Variants in BRIP1 observed in about 807,000 individuals in gnomAD.
BRIP1 encodes Fanconi anemia group J protein.
In BRIP1, 88 loss-of-function variants were observed where a neutral mutation model predicts 119.7. The ratio of observed to expected loss-of-function variants is 0.74; its 90% CI spans 0.62 to 0.88. The LOEUF is 0.88. BRIP1 is among the 40% of genes least tolerant of loss of function. The pLI is 0.00. For missense variants in BRIP1, 1,259 were observed against 1,455.4 expected (o/e 0.87, Z 2.20); for synonymous variants, 443 against 496.5 (o/e 0.89, Z 1.43).
At position 61,803,326 on chromosome 17, in the gene BRIP1, C is replaced by T. The variant is rs780758068; in HGVS notation, c.919-1852G>A. Reference sequence around the variant, plus strand: ...CTTGAACTCCTGAACTCAAGCGATCCGCCTGCCTCGGCCTCCCAAAGTGCT... The same window carrying T: ...CTTGAACTCCTGAACTCAAGCGATCTGCCTGCCTCGGCCTCCCAAAGTGCT... On this transcript the variant is annotated intron_variant, in intron 7 of 19. Coordinates refer to ENST00000259008, the MANE Select transcript of BRIP1 (RefSeq NM_032043.3). This position sits in a 1 kb window ranked among gnomAD's most constrained non-coding sequence, Gnocchi z 4.3. 2.0e-5 allele frequency among the ~76,000 whole-genome samples: 3 copies of T among 152,260 alleles called. No homozygotes were observed. Among genetic ancestry groups the T allele is most frequent in the East Asian group, 1.9e-4 (1 of 5,168 alleles).
At position 61,808,483 on chromosome 17, in the gene BRIP1, A is replaced by C. The variant is rs750376292; in HGVS notation, c.902T>G (p.Leu301Trp). 1.2e-6 allele frequency: 2 copies of C among 1,613,548 alleles called. No individual in the cohort carries two copies. Among genetic ancestry groups the C allele is most frequent in the South Asian group, 2.2e-5 (2 of 91,068 alleles). ...TTTACTCACGTTTTTCCCATCTAGC[A>C]ATTCCATGCACTTCTCATTTCTGTT... The part of the protein sequence containing the change: ...NFNRNEKCME[L>W]LDGKNGKSCY... The change falls in exon 7 of 20, where the codon TTG (leucine) becomes TGG (tryptophan). Residue 301 changes from leucine (L) to tryptophan (W), a missense_variant. Transcript: ENST00000259008. This position sits in a 1 kb window ranked among gnomAD's most constrained non-coding sequence, Gnocchi z 4.1.
rs2078217822 is a variant in BRIP1, at chr17:61,815,127, A to C, written c.628-6370T>G. Among the ~76,000 whole-genome samples the C allele has an allele frequency of 6.6e-6, 1 of 151,746 alleles. No individual in the cohort carries two copies. The highest frequency in any genetic ancestry group is 6.6e-5 in the Admixed American group (1 of 15,226). ...CTAGAAGTGCTGGAAAAAAAAAAAA[A>C]AACCCACAGTAAATATACTCTGTTC... On this transcript the variant is annotated intron_variant, in intron 6 of 19. Coordinates refer to ENST00000259008, the MANE Select transcript of BRIP1 (RefSeq NM_032043.3). The surrounding 1 kb of genome is among the most constrained non-coding windows in gnomAD (Gnocchi z 4.1).
Position 61,745,683 on chromosome 17 carries a change from C to A in BRIP1, c.2098-1092G>T, listed in dbSNP as rs2077049122. On this transcript the variant is annotated intron_variant, in intron 14 of 19. Coordinates refer to ENST00000259008, the MANE Select transcript of BRIP1 (RefSeq NM_032043.3). The surrounding 1 kb of genome is among the most constrained non-coding windows in gnomAD (Gnocchi z 4.4). ...CACACGTGGCTGTAAAACTCATATT[C>A]TTAAAAACCATATGAGTTAAATAGA... is the stretch of plus-strand genomic sequence containing the variant. Among the ~76,000 whole-genome samples, 1 of 152,074 alleles carries A rather than the reference C, an allele frequency of 6.6e-6. No individual in the cohort carries two copies. The highest frequency in any genetic ancestry group is 2.4e-5 in the African/African-American group (1 of 41,406).
At chr17:61,838,004 AGTT>A (rs1216221369) in intron 6 of BRIP1, among the ~76,000 whole-genome samples, 1 of 152,316 alleles carries the variant, frequency 6.6e-6, no homozygotes, top group East Asian at 1.9e-4. Flanking sequence ...GAACCTAAAA[AGTT>A]TAATGTCAAA....
intron 6 of BRIP1, among the ~76,000 whole-genome samples, chr17:61,836,918 CA>C (rs1364346498): frequency 6.6e-6 from 1 of 152,172 alleles, no homozygotes; most frequent in Non-Finnish European, 1.5e-5. Context: ...TTTAGAGGAT[CA>C]ATTCCAGAGC....
At chr17:61,859,939 A>G in intron 2 of BRIP1, 32 bp from the exon 3 acceptor site, 1 of 1,434,768 alleles carries the variant, frequency 7.0e-7, no homozygotes. Flanking sequence ...AAAATAATAA[A>G]CATATTAACT....
rs995673593 is a variant in BRIP1, at chr17:61,843,217, G to A, written c.627+3884C>T. Among the ~76,000 whole-genome samples, 1 of 152,100 alleles carries A rather than the reference G, an allele frequency of 6.6e-6. No individual in the cohort carries two copies. The highest frequency in any genetic ancestry group is 2.4e-5 in the African/African-American group (1 of 41,418). ...ATGGTTACTGGGGCAGGGAGGTGGGGGATTTGAGGAGATGTTGATCAAAGA... is the reference window on the plus strand; with the variant it reads ...ATGGTTACTGGGGCAGGGAGGTGGGAGATTTGAGGAGATGTTGATCAAAGA... On this transcript the variant is annotated intron_variant, in intron 6 of 19. Coordinates refer to ENST00000259008, the MANE Select transcript of BRIP1 (RefSeq NM_032043.3). The surrounding 1 kb of genome is among the most constrained non-coding windows in gnomAD (Gnocchi z 5.7).
rs1028595201 is a variant in BRIP1, at chr17:61,775,527, G to C, written c.2097+874C>G. On this transcript the variant is annotated intron_variant, in intron 14 of 19. Transcript: ENST00000259008. This position sits in a 1 kb window ranked among gnomAD's most constrained non-coding sequence, Gnocchi z 4.4. ...CTACATTGGATTTAGGTTAGATTTTGATGCAATGTGATGTTACTTTCAGGA... is the reference window on the plus strand; with the variant it reads ...CTACATTGGATTTAGGTTAGATTTTCATGCAATGTGATGTTACTTTCAGGA... 1.3e-5 allele frequency among the ~76,000 whole-genome samples: 2 copies of C among 152,120 alleles called. No individual in the cohort carries two copies. The highest frequency in any genetic ancestry group is 6.5e-5 in the Admixed American group (1 of 15,280).
At position 61,847,230 on chromosome 17, in the gene BRIP1, C is replaced by G. The variant is rs2078749443; in HGVS notation, c.508-10G>C. 1 of 1,613,652 alleles carries G rather than the reference C, an allele frequency of 6.2e-7. No individual in the cohort carries two copies. The highest frequency in any genetic ancestry group is 1.3e-5 in the African/African-American group (1 of 75,038). Reference sequence around the variant, plus strand: ...AATGACGTTTTCTAATCTGTAAACACAGAACCAAAATGAAGTTTAAGGTGA... The same window carrying G: ...AATGACGTTTTCTAATCTGTAAACAGAGAACCAAAATGAAGTTTAAGGTGA... On this transcript the variant is annotated splice_polypyrimidine_tract_variant and intron_variant, in intron 5 of 19. Coordinates refer to ENST00000259008, the MANE Select transcript of BRIP1 (RefSeq NM_032043.3).
rs1041164432 is a variant in BRIP1 at position 61,701,703 on chromosome 17, T to C, written c.2493-8191A>G. 4.6e-5 allele frequency among the ~76,000 whole-genome samples: 7 copies of C among 152,358 alleles called. No individual in the cohort carries two copies. The highest frequency in any genetic ancestry group is 1.4e-4 in the African/African-American group (6 of 41,592). ...CATTGCATTCCTCAGCTTTTCTCTT[T>C]ACATTTTTTGGCTAGCCTCTCACTT... On this transcript the variant is annotated intron_variant, in intron 17 of 19. Transcript: ENST00000259008. This position sits in a 1 kb window ranked among gnomAD's most constrained non-coding sequence, Gnocchi z 5.1.
rs2145071400 is a variant in BRIP1, at chr17:61,780,190, C to T, written c.1935+71G>A. 21 of 1,493,842 alleles carry T rather than the reference C, an allele frequency of 1.4e-5. No individual in the cohort carries two copies. The highest frequency in any genetic ancestry group is 1.9e-5 in the Non-Finnish European group (21 of 1,082,692). The allele number at this position is 1,493,842 out of a possible 1,614,324, so 92.5% of individuals were successfully genotyped here. On this transcript the variant is annotated intron_variant, in intron 13 of 19. Coordinates refer to ENST00000259008, the MANE Select transcript of BRIP1 (RefSeq NM_032043.3). This position sits in a 1 kb window ranked among gnomAD's most constrained non-coding sequence, Gnocchi z 5.4. ...TACTTGCTGGCACTTCAGGTATCTTCTAACTTGTTTACATAGTTATATTGA... is the reference window on the plus strand; with the variant it reads ...TACTTGCTGGCACTTCAGGTATCTTTTAACTTGTTTACATAGTTATATTGA...
rs2061736214 is a variant in BRIP1 at position 61,709,137 on chromosome 17, C to T, written c.2492+6814G>A. Among the ~76,000 whole-genome samples, 2 of 152,148 alleles carry T rather than the reference C, an allele frequency of 1.3e-5. No homozygotes were observed. Among genetic ancestry groups the T allele is most frequent in the Non-Finnish European group, 2.9e-5 (2 of 68,026 alleles). ...ACTTTCATTGACATTTTAGATTGCT[C>T]CAAATCCTAGGCTTTTTCATGCATA... On this transcript the variant is annotated intron_variant, in intron 17 of 19. Coordinates refer to ENST00000259008, the MANE Select transcript of BRIP1 (RefSeq NM_032043.3). The surrounding 1 kb of genome is among the most constrained non-coding windows in gnomAD (Gnocchi z 5.0).
chr17:61,684,041 C>CAGCTGTCA lies in BRIP1; in HGVS notation c.3004_3005insTGACAGCT (p.Trp1002LeufsTer60), dbSNP rs763443434. On this transcript the variant is annotated frameshift_variant, in exon 20 of 20. Transcript: ENST00000259008. LOFTEE classifies it low-confidence loss of function (END_TRUNC). The surrounding 1 kb of genome is among the most constrained non-coding windows in gnomAD (Gnocchi z 4.5). The stretch of plus-strand genomic sequence containing the variant: ...CTGTCCCAAAGAATTAAAGCTTGAC[C>CAGCTGTCA]AGCTAACTCTCTTTGTTTGTTTGTT... 4 of 1,613,750 alleles carry CAGCTGTCA rather than the reference C, an allele frequency of 2.5e-6. No individual in the cohort carries two copies. The African/African-American group carries it at 5.3e-5, about 22-fold the overall frequency.
rs2077889758 is a variant in BRIP1, at chr17:61,795,746, T to A, written c.1341-2017A>T. Among the ~76,000 whole-genome samples, 1 of 152,138 alleles carries A rather than the reference T, an allele frequency of 6.6e-6. No individual in the cohort carries two copies. The highest frequency in any genetic ancestry group is 2.1e-4 in the South Asian group (1 of 4,832). ...TATAGCTATACCTTTGATATACTGA[T>A]TTCCTTTATTTTGGGTATATATCTA... On this transcript the variant is annotated intron_variant, in intron 9 of 19. Transcript: ENST00000259008. The surrounding 1 kb of genome is among the most constrained non-coding windows in gnomAD (Gnocchi z 5.6).
chr17:61,711,038 A>G (rs2061765003), intron 17 of BRIP1, among the ~76,000 whole-genome samples: 1 of 151,584 alleles, frequency 6.6e-6, no homozygotes, highest in African/African-American at 2.4e-5. Context: ...CATCTCAAAA[A>G]AAAAAAAAAA....
chr17:61,858,838 GATTC>G (rs2078934831), intron 3 of BRIP1, among the ~76,000 whole-genome samples: 1 of 151,916 alleles, frequency 6.6e-6, no homozygotes, highest in Non-Finnish European at 1.5e-5. Flanking sequence ...TTATATTTCT[GATTC>G]ATTATGTAGT....
chr17:61,802,075 T>C lies in BRIP1; in HGVS notation c.919-601A>G, dbSNP rs1448026798. 6.6e-6 allele frequency among the ~76,000 whole-genome samples: 1 copy of C among 152,228 alleles called. No homozygotes were observed. The highest frequency in any genetic ancestry group is 1.5e-5 in the Non-Finnish European group (1 of 68,040). ...AAGCCTAAATTATCCATAATTCTAT[T>C]ACACAAAGAATGCACTAGAAACATT... On this transcript the variant is annotated intron_variant, in intron 7 of 19. Transcript: ENST00000259008. This position sits in a 1 kb window ranked among gnomAD's most constrained non-coding sequence, Gnocchi z 6.0.
rs2061377862 is a variant in BRIP1 at position 61,687,369 on chromosome 17, A to C, written c.2576-1204T>G. ...TGTCTGCTTTTGAAAACTTGAAAGA[A>C]TCTGAGCTCCACCTGCTGACTAGAC... On this transcript the variant is annotated intron_variant, in intron 18 of 19. Coordinates refer to ENST00000259008, the MANE Select transcript of BRIP1 (RefSeq NM_032043.3). The surrounding 1 kb of genome is among the most constrained non-coding windows in gnomAD (Gnocchi z 5.1). 6.6e-6 allele frequency among the ~76,000 whole-genome samples: 1 copy of C among 152,222 alleles called. No individual in the cohort carries two copies.
Position 61,744,768 on chromosome 17 carries a change from CAGA to C in BRIP1, c.2098-180_2098-178del, listed in dbSNP as rs1438338904. 6.6e-6 allele frequency among the ~76,000 whole-genome samples: 1 copy of C among 151,932 alleles called. No homozygotes were observed. Among genetic ancestry groups the C allele is most frequent in the African/African-American group, 2.4e-5 (1 of 41,374 alleles). ...GCTGTTATGGGGTTAAATTTATTAA[CAGA>C]TTTAGAGAGATCTGAATGGTGCTGG... On this transcript the variant is annotated intron_variant, in intron 14 of 19. Transcript: ENST00000259008. This position sits in a 1 kb window ranked among gnomAD's most constrained non-coding sequence, Gnocchi z 5.0.
Sources: allele counts gnomAD v4.1 joint callset (sites outside exome capture counted in the v4.1 genomes callset), GRCh38; gene constraint gnomAD v4.1.1; non-coding constraint Gnocchi (gnomAD v3.1); transcripts MANE v1.5; gene names NCBI Gene and HGNC (gene_info 2026-07-23, HGNC 2026-07-21).